MAPK8IP3: variants seen among roughly 807,000 people sequenced by gnomAD.
MAPK8IP3 encodes the protein C-Jun-amino-terminal kinase-interacting protein 3.
MAPK8IP3 carries 49 observed loss-of-function variants against 157.8 expected under a neutral mutation model. The observed-to-expected ratio is 0.31, with a 90% CI of 0.25 to 0.39. The LOEUF (loss-of-function observed/expected upper bound fraction) is 0.39. MAPK8IP3 is among the 10% of genes least tolerant of loss of function. The pLI is 1.00. For synonymous variants in MAPK8IP3, 897 were observed against 777.7 expected (o/e 1.15, Z -2.55); for missense variants, 1,478 against 1,889.4 (o/e 0.78, Z 4.04).
rs112071664 is a variant in MAPK8IP3 at position 1,744,649 on chromosome 16, A to C, written c.747+1173A>C. On this transcript the variant is annotated intron_variant, in intron 5 of 31. Coordinates refer to ENST00000610761, the MANE Select transcript of MAPK8IP3 (RefSeq NM_001318852.2). ...GCTGGGACCTGCCCATAGGCATCTG[A>C]AGACACGTCAGCCTCAGCCGGGGGG... 96 of 985,480 alleles carry C rather than the reference A, an allele frequency of 9.7e-5. 1 individual carries two copies. In the African/African-American group the frequency reaches 1.6e-3, roughly 16 times the overall value. 61.0% of individuals were successfully genotyped at this position (985,480 alleles called of 1,614,324 possible).
At position 1,760,525 on chromosome 16, in the gene MAPK8IP3, C is replaced by T; in HGVS notation, c.1450C>T (p.Leu484=). 1 of 1,612,760 alleles carries T rather than the reference C, an allele frequency of 6.2e-7. No homozygotes were observed. The highest frequency in any genetic ancestry group is 8.5e-7 in the Non-Finnish European group (1 of 1,179,158). The change falls in exon 12 of 32, where the codon CTG becomes TTG. Residue 484 remains leucine, a synonymous_variant. Transcript: ENST00000610761. ...ENRIKELEEE[L]KRVKSEAIIA... ...CCGTATCAAGGAGCTGGAAGAGGAA[C>T]TGAAAAGGTGAGGGCAGGGCATGGA...
chr16:1,747,360 C>T (rs1046483493), intron 6 of MAPK8IP3, 85 bp downstream of exon 6: 12 of 1,534,028 alleles, frequency 7.8e-6, no homozygotes, highest in Admixed American at 5.6e-5. Context: ...ATGCACCAGG[C>T]GGGCAGTGCA....
At chr16:1,739,515 C>T (rs1278127778) in intron 4 of MAPK8IP3, among the ~76,000 whole-genome samples, 8 of 112,392 alleles carry the variant, frequency 7.1e-5, no homozygotes, top group Non-Finnish European at 1.2e-4. Context: ...AGTGTGTGAC[C>T]GTCCGTGTGA....
chr16:1,761,798 T>C (rs1023450503), intron 13 of MAPK8IP3, among the ~76,000 whole-genome samples: 1 of 152,120 alleles, frequency 6.6e-6, no homozygotes, highest in African/African-American at 2.4e-5. Flanking sequence ...TTCCCACACA[T>C]TCACACGCTG....
intron 13 of MAPK8IP3, 124 bp downstream of exon 13, chr16:1,761,429 C>T (rs2141923564): frequency 1.3e-6 from 1 of 781,206 alleles, no homozygotes. Context: ...GCAGAGCGGC[C>T]ACCATTCACC....
rs1193323134 is a variant in MAPK8IP3 at position 1,729,507 on chromosome 16, G to A, written c.531G>A (p.Glu177=). 6.2e-7 allele frequency: 1 copy of A among 1,613,068 alleles called. No homozygotes were observed. The highest frequency in any genetic ancestry group is 1.1e-5 in the South Asian group (1 of 90,942). The change falls in exon 4 of 32, where the codon GAG becomes GAA. Residue 177 remains glutamate (E), a synonymous_variant. Coordinates refer to ENST00000610761, the MANE Select transcript of MAPK8IP3 (RefSeq NM_001318852.2). Reference sequence around the variant, plus strand: ...CGCAGATGATACAGACCTACGTGGAGCACATTGAGAGGTCCAAGATGCAGC... The same window carrying A: ...CGCAGATGATACAGACCTACGTGGAACACATTGAGAGGTCCAAGATGCAGC... The part of the protein sequence containing the change: ...RHTEMIQTYV[E]HIERSKMQQV...
At position 1,760,499 on chromosome 16, in the gene MAPK8IP3, A is replaced by T; in HGVS notation, c.1424A>T (p.Asn475Ile). 1 of 1,613,652 alleles carries T rather than the reference A, an allele frequency of 6.2e-7. No homozygotes were observed. Among genetic ancestry groups the T allele is most frequent in the Non-Finnish European group, 8.5e-7 (1 of 1,179,754 alleles). Reference protein sequence around the residue: ...AAKQAKVKLENRIKELEEELK... With the variant: ...AAKQAKVKLEIRIKELEEELK... The stretch of plus-strand genomic sequence containing the variant: ...AAGCAGGCCAAAGTCAAGCTGGAAA[A>T]CCGTATCAAGGAGCTGGAAGAGGAA... Residue 475 changes from asparagine to isoleucine, a missense_variant, in exon 12 of 32, where the codon AAC (asparagine) becomes ATC (isoleucine). Physicochemically the swap from Asn to Ile is moderately radical, Grantham distance 149. Transcript: ENST00000610761.
chr16:1,754,746 G>A (rs1292071127), intron 8 of MAPK8IP3, among the ~76,000 whole-genome samples: 8 of 147,328 alleles, frequency 5.4e-5, no homozygotes, highest in South Asian at 2.2e-4. Context: ...ACTCCAGAGC[G>A]AGACTCCGTC....
chr16:1,768,119 C>T lies in MAPK8IP3; in HGVS notation c.3562+12C>T, dbSNP rs2042383666. ...CCTGGGGCTCCGAGGTAAGCCCAGC[C>T]ACCTCGTGTCCCCTCACGGGAGCCT... On this transcript the variant is annotated intron_variant, in intron 29 of 31. Transcript: ENST00000610761. The T allele has an allele frequency of 3.7e-6, 6 of 1,612,150 alleles. No homozygotes were observed. Among genetic ancestry groups the T allele is most frequent in the Non-Finnish European group, 5.1e-6 (6 of 1,179,960 alleles).
Position 1,759,949 on chromosome 16 carries a change from C to G in MAPK8IP3, c.1247-9C>G, listed in dbSNP as rs757391860. On this transcript the variant is annotated splice_polypyrimidine_tract_variant and intron_variant, in intron 10 of 31. Coordinates refer to ENST00000610761, the MANE Select transcript of MAPK8IP3 (RefSeq NM_001318852.2). ...GGCACAGGTGAAACCTCCGCACCTT[C>G]TGTTTCAGGAATGGGCAAAGAAGTG... 7 of 1,613,968 alleles carry G rather than the reference C, an allele frequency of 4.3e-6. No individual in the cohort carries two copies. The highest frequency in any genetic ancestry group is 5.9e-6 in the Non-Finnish European group (7 of 1,179,826).
chr16:1,736,140 G>C (rs1163017793), intron 4 of MAPK8IP3, among the ~76,000 whole-genome samples: 1 of 138,646 alleles, frequency 7.2e-6, no homozygotes. Context: ...CCATCCATGT[G>C]AGCATCTGTG....
chr16:1,760,384 G>T lies in MAPK8IP3; in HGVS notation c.1309G>T (p.Ala437Ser). 1 of 1,609,648 alleles carries T rather than the reference G, an allele frequency of 6.2e-7. No homozygotes were observed. The highest frequency in any genetic ancestry group is 8.5e-7 in the Non-Finnish European group (1 of 1,176,922). Residue 437 changes from alanine to serine, a missense_variant, in exon 12 of 32, where the codon GCC (alanine) becomes TCC (serine). Coordinates refer to ENST00000610761, the MANE Select transcript of MAPK8IP3 (RefSeq NM_001318852.2). ...CATCTTTCTGCTTTTTCAAAGAAACGCCTTGAATGTGGTGAAGAATGACCT... is the reference window on the plus strand; with the variant it reads ...CATCTTTCTGCTTTTTCAAAGAAACTCCTTGAATGTGGTGAAGAATGACCT... The part of the protein sequence containing the change: ...ENSQLLETKN[A>S]LNVVKNDLIA...
intron 1 of MAPK8IP3, among the ~76,000 whole-genome samples, chr16:1,712,692 T>C (rs2037869378): frequency 6.6e-6 from 1 of 152,224 alleles, no homozygotes; most frequent in Non-Finnish European, 1.5e-5. Context: ...CAGCCTCATC[T>C]GCCTCTGGTC....
intron 12 of MAPK8IP3, 73 bp from the exon 13 acceptor site, chr16:1,761,144 CGGGGCGG>C: frequency 9.0e-7 from 1 of 1,114,878 alleles, no homozygotes; most frequent in Non-Finnish European, 1.4e-6. Context: ...GACACAGGTT[CGGGGCGG>C]GCACTGCCCG....
chr16:1,733,904 A>G (rs1025104340), intron 4 of MAPK8IP3, among the ~76,000 whole-genome samples: 1 of 152,120 alleles, frequency 6.6e-6, no homozygotes, highest in Non-Finnish European at 1.5e-5. Flanking sequence ...CCAGCCATTC[A>G]CTTCTTCTGG....
chr16:1,765,041 C>T lies in MAPK8IP3; in HGVS notation c.2309C>T (p.Thr770Ile), dbSNP rs959503804. 5.6e-6 allele frequency: 9 copies of T among 1,610,732 alleles called. No individual in the cohort carries two copies. The highest frequency in any genetic ancestry group is 1.1e-5 in the South Asian group (1 of 91,026). Residue 770 changes from threonine (T) to isoleucine (I), a missense_variant, in exon 20 of 32, where the codon ACC (threonine) becomes ATC (isoleucine). By Grantham distance (89) the Thr-to-Ile change is moderately conservative (BLOSUM62 -1). Transcript: ENST00000610761. ...KAKELPEMDA[T>I]SSRVWILTST... is the part of the protein sequence containing the mutation. ...AAGGAGCTCCCTGAAATGGACGCCA[C>T]CTCCAGCCGGGTGTGGATCCTGACC...
chr16:1,712,412 T>A (rs2037850177), intron 1 of MAPK8IP3, among the ~76,000 whole-genome samples: 1 of 152,114 alleles, frequency 6.6e-6, no homozygotes, highest in Admixed American at 6.6e-5. Flanking sequence ...TGCTGCCTTC[T>A]GCTTCCAGTC....
In MAPK8IP3 at chr16:1,766,850, G is replaced by A. The variant is rs201727577; in HGVS notation, c.3020+47G>A. 5.2e-4 allele frequency: 836 copies of A among 1,611,808 alleles called. 2 individuals carry two copies. In the African/African-American group the frequency reaches 6.6e-3, roughly 13 times the overall value. On this transcript the variant is annotated intron_variant, in intron 24 of 31. Coordinates refer to ENST00000610761, the MANE Select transcript of MAPK8IP3 (RefSeq NM_001318852.2). ...GCCGGGCGGCGCGGGGGAACGGGGC[G>A]GAGGGGGCTGGCACAGCCTGGCCCA...
Position 1,765,305 on chromosome 16 carries a change from A to G in MAPK8IP3, c.2446+127A>G. On this transcript the variant is annotated intron_variant, in intron 20 of 31. Coordinates refer to ENST00000610761, the MANE Select transcript of MAPK8IP3 (RefSeq NM_001318852.2). ...TGTGGACACGGGAATGTGGCAGTGG[A>G]CGGTGGGAGGGGCAGCACCCAGTCA... The G allele has an allele frequency of 2.6e-6, 3 of 1,171,776 alleles. No homozygotes were observed. In the South Asian group the frequency reaches 5.0e-5, roughly 19 times the overall value. 72.6% of individuals were successfully genotyped at this position (1,171,776 alleles called of 1,614,324 possible). A position where few individuals can be genotyped will look rare whatever the true frequency, so the allele number is the denominator to read the frequency against.
Sources: gnomAD v4.1 joint callset for allele counts (sites outside exome capture counted in the v4.1 genomes callset) on GRCh38, gnomAD v4.1.1 for gene constraint, MANE v1.5 for transcripts, NCBI Gene and HGNC (gene_info 2026-07-23, HGNC 2026-07-21) for gene names.